The following ITCH variants were observed in gnomAD, a reference collection of about 807,000 sequenced individuals.
ITCH encodes E3 ubiquitin-protein ligase Itchy homolog.
A neutral mutation model predicts 126.8 loss-of-function variants in ITCH; 28 were observed. The ratio of observed to expected loss-of-function variants is 0.22; its 90% CI spans 0.16 to 0.30. The LOEUF is 0.30. Ranked by LOEUF, ITCH falls within the 10% of genes least tolerant of loss-of-function variation. The pLI is 1.00. For synonymous variants in ITCH, 342 were observed against 340.0 expected, an observed-to-expected ratio of 1.01 and a Z score of -0.06; for missense variants, 631 against 1,032.4, an observed-to-expected ratio of 0.61 and a Z score of 5.33.
At chr20:34,450,444 G>T (rs530621637) in intron 12 of ITCH, among the ~76,000 whole-genome samples, 24 of 152,290 alleles carry the variant, frequency 1.6e-4, no homozygotes, top group Non-Finnish European at 2.1e-4. Context: ...AAGAGCATGT[G>T]CTGTTATTGA....
At position 34,440,348 on chromosome 20, in the gene ITCH, A is replaced by G. The variant is rs1164546702; in HGVS notation, c.869+4A>G. ...CTCAAGCTCCCTTGCCACCTGGGTG[A>G]GTAACTTTTTAAATTAACATATGTT... On this transcript the variant is annotated splice_donor_region_variant and intron_variant, in intron 9 of 24. Coordinates refer to ENST00000374864, the MANE Select transcript of ITCH (RefSeq NM_031483.7). The G allele has an allele frequency of 6.2e-7, 1 of 1,608,608 alleles. No individual in the cohort carries two copies. Among genetic ancestry groups the G allele is most frequent in the Non-Finnish European group, 8.5e-7 (1 of 1,175,018 alleles).
intron 20 of ITCH, among the ~76,000 whole-genome samples, chr20:34,482,463 C>T (rs748431230): frequency 6.6e-6 from 1 of 152,182 alleles, no homozygotes; most frequent in Non-Finnish European, 1.5e-5. Flanking sequence ...TTGGCCAAAA[C>T]AAAGGAGCTA....
At chr20:34,365,219 T>A (rs947504340) in intron 1 of ITCH, among the ~76,000 whole-genome samples, 7 of 151,658 alleles carry the variant, frequency 4.6e-5, no homozygotes, top group African/African-American at 7.3e-5. Context: ...AAAAAAAAAA[T>A]TTAGAAATGA....
intron 13 of ITCH, among the ~76,000 whole-genome samples, chr20:34,458,060 A>C (rs1207070608): frequency 6.6e-6 from 1 of 152,220 alleles, no homozygotes; most frequent in Admixed American, 6.5e-5. Flanking sequence ...ATTCTAAATC[A>C]GGGTTTCTTA....
chr20:34,423,743 G>A (rs1981116420), intron 6 of ITCH, among the ~76,000 whole-genome samples: 1 of 151,996 alleles, frequency 6.6e-6, no homozygotes, highest in Non-Finnish European at 1.5e-5. Flanking sequence ...AGCTGGGATT[G>A]CAGGTGCCTG....
intron 6 of ITCH, among the ~76,000 whole-genome samples, chr20:34,418,391 CTTA>C (rs1200490313): frequency 6.6e-6 from 1 of 152,074 alleles, no homozygotes; most frequent in African/African-American, 2.4e-5. Flanking sequence ...ACTTCTGGTT[CTTA>C]TTCTATGCAT....
rs1398161697 is a variant in ITCH, at chr20:34,507,901, A to T, written c.*107A>T. 1.3e-6 allele frequency: 1 copy of T among 779,710 alleles called. No homozygotes were observed. Among genetic ancestry groups the T allele is most frequent in the Non-Finnish European group, 2.3e-6 (1 of 442,126 alleles). 48.3% of individuals were successfully genotyped at this position (779,710 alleles called of 1,614,324 possible). On this transcript the variant is annotated 3_prime_UTR_variant, in exon 25 of 25. Coordinates refer to ENST00000374864, the MANE Select transcript of ITCH (RefSeq NM_031483.7). The stretch of plus-strand genomic sequence containing the variant: ...TTGGACAATGGCTCTTTAGAGAGTT[A>T]TCTGAGTGTAAGTAAATTAATGTTC...
intron 14 of ITCH, among the ~76,000 whole-genome samples, chr20:34,467,302 G>C (rs1987159909): frequency 6.6e-6 from 1 of 152,144 alleles, no homozygotes; most frequent in Non-Finnish European, 1.5e-5. Flanking sequence ...GCCAAGGTGG[G>C]CAGATCACTT....
intron 21 of ITCH, 88 bp downstream of exon 21, chr20:34,489,474 G>C: frequency 1.6e-6 from 2 of 1,285,516 alleles, no homozygotes; most frequent in Non-Finnish European, 2.2e-6. Flanking sequence ...CATCTTTCCT[G>C]TTACTGTAAT....
chr20:34,463,431 A>AGTTAGG (rs762033501), intron 14 of ITCH, among the ~76,000 whole-genome samples: 28 of 152,290 alleles, frequency 1.8e-4, no homozygotes, highest in East Asian at 1.2e-3. Flanking sequence ...TGTACCCAAA[A>AGTTAGG]GTTAGGGTTA....
intron 2 of ITCH, among the ~76,000 whole-genome samples, chr20:34,372,940 A>G (rs769597415): frequency 9.3e-5 from 14 of 150,232 alleles, no homozygotes; most frequent in Non-Finnish European, 1.9e-4. Flanking sequence ...TTAAGTTCAG[A>G]TTTTTTGGTT....
chr20:34,411,342 C>T (rs754847453), intron 4 of ITCH, among the ~76,000 whole-genome samples: 10 of 152,030 alleles, frequency 6.6e-5, no homozygotes, highest in East Asian at 1.9e-4. Flanking sequence ...TTAGTAGAGA[C>T]GGGGTTTCAC....
At chr20:34,500,769 T>C (rs1295078146) in intron 23 of ITCH, among the ~76,000 whole-genome samples, 1 of 152,210 alleles carries the variant, frequency 6.6e-6, no homozygotes, top group African/African-American at 2.4e-5. Context: ...TCATTGTTTA[T>C]CATTATGGTT....
intron 14 of ITCH, among the ~76,000 whole-genome samples, chr20:34,468,948 G>A (rs150996150): frequency 1.4e-3 from 218 of 152,244 alleles, no homozygotes; most frequent in Admixed American, 2.9e-3. Context: ...GAATTTAACA[G>A]CGTAACAGAA....
chr20:34,418,647 T>C (rs1452172844), intron 6 of ITCH, among the ~76,000 whole-genome samples: 1 of 152,158 alleles, frequency 6.6e-6, no homozygotes, highest in African/African-American at 2.4e-5. Flanking sequence ...AATGTTAGTT[T>C]TAAAAATTTG....
At chr20:34,505,270 C>T (rs1375413582) in intron 24 of ITCH, among the ~76,000 whole-genome samples, 2 of 152,146 alleles carry the variant, frequency 1.3e-5, no homozygotes, top group African/African-American at 4.8e-5. Flanking sequence ...TCTCAAACTC[C>T]TGATCTCAGG....
At chr20:34,460,373 T>G (rs77426169) in intron 13 of ITCH, among the ~76,000 whole-genome samples, 123 of 150,388 alleles carry the variant, frequency 8.2e-4, no homozygotes, top group African/African-American at 2.6e-3. Flanking sequence ...TTTTTTTTTT[T>G]GGGTAGAGAC....
chr20:34,501,665 C>CTCAGGAG (rs1369614756), intron 23 of ITCH, among the ~76,000 whole-genome samples: 2 of 151,778 alleles, frequency 1.3e-5, no homozygotes, highest in Non-Finnish European at 2.9e-5. Flanking sequence ...ATCCCAGCTA[C>CTCAGGAG]TCAGGAGGCT....
At chr20:34,476,468 C>T (rs1297132640) in intron 16 of ITCH, 21 of 1,215,778 alleles carry the variant, frequency 1.7e-5, no homozygotes, top group Non-Finnish European at 2.0e-5. Context: ...CCCCCAGCGG[C>T]AGCCATCGCC....
Sources: allele counts gnomAD v4.1 joint callset (sites outside exome capture counted in the v4.1 genomes callset), GRCh38; gene constraint gnomAD v4.1.1; transcripts MANE v1.5; gene names NCBI Gene and HGNC (gene_info 2026-07-23, HGNC 2026-07-21).